The following PCDHGA2 variants were observed in gnomAD, a reference collection of about 807,000 sequenced individuals.
PCDHGA2 encodes the protein protocadherin gamma subfamily A, 2.
PCDHGA2 carries 40 observed loss-of-function variants against 59.2 expected under a neutral mutation model. The ratio of observed to expected loss-of-function variants is 0.68; its 90% CI spans 0.52 to 0.88. The LOEUF (loss-of-function observed/expected upper bound fraction) is 0.88, where lower values mean the gene tolerates loss of function less well. PCDHGA2 is among the 40% of genes least tolerant of loss of function. PCDHGA2 has a pLI of 0.00. For missense variants in PCDHGA2, 1,226 were observed against 1,204.0 expected (o/e 1.02, Z -0.27); for synonymous variants, 560 against 526.0 (o/e 1.06, Z -0.89).
chr5:141,382,401 A>C (rs1778173427), intron 1 of PCDHGA2, among the ~76,000 whole-genome samples: 1 of 152,232 alleles, frequency 6.6e-6, no homozygotes, highest in Non-Finnish European at 1.5e-5. Context: ...TCCCATGTGC[A>C]ATAACGTGTG....
chr5:141,346,072 C>T (rs780449103), intron 1 of PCDHGA2: 2 of 1,613,640 alleles, frequency 1.2e-6, no homozygotes, highest in Non-Finnish European at 1.7e-6. Flanking sequence ...AGCCTCGAGC[C>T]CTCCGCCAAA....
intron 1 of PCDHGA2, chr5:141,352,456 G>T: frequency 1.9e-6 from 3 of 1,614,010 alleles, no homozygotes; most frequent in Non-Finnish European, 2.5e-6. Context: ...CCAAGTCTGG[G>T]CCCGGGGTTC....
intron 1 of PCDHGA2, chr5:141,427,617 G>C (rs1295636754): frequency 1.4e-6 from 1 of 694,694 alleles, no homozygotes. Context: ...TGAAGTCAAC[G>C]ACAATGCTCC....
In PCDHGA2 at chr5:141,389,513, C is replaced by A. The variant is rs749432491; in HGVS notation, c.2424+48118C>A. 2.5e-6 allele frequency: 4 copies of A among 1,613,038 alleles called. No homozygotes were observed. The Admixed American group carries it at 5.0e-5, about 20-fold the overall frequency. On this transcript the variant is annotated intron_variant, in intron 1 of 3. Coordinates refer to ENST00000394576, the MANE Select transcript of PCDHGA2 (RefSeq NM_018915.4). ...AGGGCTCGCCAGCGCTCAGCGCGAACGTGAGCCTGCGCGTGTTAGTGGACG... is the reference window on the plus strand; with the variant it reads ...AGGGCTCGCCAGCGCTCAGCGCGAAAGTGAGCCTGCGCGTGTTAGTGGACG...
chr5:141,366,069 G>A (rs544928184), intron 1 of PCDHGA2: 10 of 1,614,216 alleles, frequency 6.2e-6, no homozygotes, highest in Non-Finnish European at 8.5e-6. Context: ...CTGGCGCCTC[G>A]CTCCGCAGAA....
At chr5:141,344,060 T>C (rs1314111216) in intron 1 of PCDHGA2, 2 of 1,563,350 alleles carry the variant, frequency 1.3e-6, no homozygotes, top group African/African-American at 1.4e-5. Flanking sequence ...GTTTCCGAAA[T>C]GGCAGAGGAC....
intron 1 of PCDHGA2, chr5:141,427,676 T>G: frequency 1.2e-6 from 1 of 813,766 alleles, no homozygotes; most frequent in Non-Finnish European, 2.1e-6. Flanking sequence ...AAAACAACCT[T>G]CCCGGAGCCT....
intron 1 of PCDHGA2, among the ~76,000 whole-genome samples, chr5:141,492,221 G>C (rs62379206): frequency 0.18 from 27,189 of 152,134 alleles, 2,633 homozygotes; most frequent in Admixed American, 0.28. Context: ...GGGCTCATGC[G>C]TGTCCTCCCT....
intron 1 of PCDHGA2, chr5:141,418,622 G>A: frequency 2.5e-6 from 4 of 1,614,026 alleles, no homozygotes; most frequent in Non-Finnish European, 3.4e-6. Context: ...TCGGGAAGAC[G>A]TGCCTCCAGG....
chr5:141,509,435 T>C (rs547082417), intron 3 of PCDHGA2, among the ~76,000 whole-genome samples: 1 of 152,214 alleles, frequency 6.6e-6, no homozygotes, highest in South Asian at 2.1e-4. Context: ...AAACTCTTGT[T>C]TCCTCCTCTC....
rs1340974686 is a variant in PCDHGA2, at chr5:141,477,604, C to T, written c.2425-17203C>T. The T allele has an allele frequency of 6.2e-7, 1 of 1,614,084 alleles. No individual in the cohort carries two copies. Among genetic ancestry groups the T allele is most frequent in the Non-Finnish European group, 8.5e-7 (1 of 1,180,054 alleles). ...AGAATGCTCGGCTTTCTTTCTTTCT[C>T]TTGGAGCAAGGAGCTGAAACCGGGC... On this transcript the variant is annotated intron_variant, in intron 1 of 3. Coordinates refer to ENST00000394576, the MANE Select transcript of PCDHGA2 (RefSeq NM_018915.4). The surrounding 1 kb of genome is among the most constrained non-coding windows in gnomAD (Gnocchi z 4.9).
chr5:141,448,232 T>A (rs917554207), intron 1 of PCDHGA2, among the ~76,000 whole-genome samples: 1 of 152,094 alleles, frequency 6.6e-6, no homozygotes, highest in Admixed American at 6.6e-5. Context: ...ATGTGTGGGG[T>A]TTTCTTTGCA....
At chr5:141,366,162 C>T (rs1037452604) in intron 1 of PCDHGA2, 2 of 1,613,992 alleles carry the variant, frequency 1.2e-6, no homozygotes, top group African/African-American at 2.7e-5. Flanking sequence ...CTGCTTAAGG[C>T]CAGCGAGCCA....
intron 1 of PCDHGA2, chr5:141,415,428 G>C (rs948747218): frequency 1.2e-6 from 2 of 1,614,088 alleles, no homozygotes; most frequent in Non-Finnish European, 1.7e-6. Context: ...ACGGGGTTCG[G>C]GCTTTCCTGC....
At position 141,340,978 on chromosome 5, in the gene PCDHGA2, C is replaced by A; in HGVS notation, c.2007C>A (p.Pro669=). Residue 669 remains proline (P), a synonymous_variant, in exon 1 of 4, where the codon CCC becomes CCA. Transcript: ENST00000394576. The stretch of plus-strand genomic sequence containing the variant: ...CCGTGGCCGTGGCCGACAGGATCCC[C>A]GACATCCTGGCCGACCTGGGCAGCC... ...TLTVAVADRI[P]DILADLGSLE... 6.2e-7 allele frequency: 1 copy of A among 1,613,966 alleles called. No homozygotes were observed. The highest frequency in any genetic ancestry group is 8.5e-7 in the Non-Finnish European group (1 of 1,179,854).
intron 1 of PCDHGA2, among the ~76,000 whole-genome samples, chr5:141,348,020 CAAT>C (rs1036826017): frequency 1.8e-4 from 28 of 152,160 alleles, no homozygotes; most frequent in African/African-American, 6.0e-4. Context: ...GATTTCCAGA[CAAT>C]CTCTTCCAAC....
At chr5:141,350,155 G>A (rs950480253) in intron 1 of PCDHGA2, 1 of 998,930 alleles carries the variant, frequency 1.0e-6, no homozygotes, top group East Asian at 2.8e-5. Flanking sequence ...TCACCCTCGA[G>A]CGCCTAACTA....
intron 1 of PCDHGA2, chr5:141,399,027 A>G (rs1427563902): frequency 6.2e-7 from 1 of 1,613,788 alleles, no homozygotes; most frequent in Non-Finnish European, 8.5e-7. Context: ...TTACCACTCA[A>G]AAGAAACTGG....
rs768311217 is a variant in PCDHGA2 at position 141,382,969 on chromosome 5, T to C, written c.2424+41574T>C. On this transcript the variant is annotated intron_variant, in intron 1 of 3. Coordinates refer to ENST00000394576, the MANE Select transcript of PCDHGA2 (RefSeq NM_018915.4). Reference sequence around the variant, plus strand: ...GCTCTCCATCCTCCTGGGGACCCCCTGGGAAGCCTGGGCAGGACGTATTCT... The same window carrying C: ...GCTCTCCATCCTCCTGGGGACCCCCCGGGAAGCCTGGGCAGGACGTATTCT... The C allele has an allele frequency of 1.2e-5, 19 of 1,609,300 alleles. No homozygotes were observed. Among genetic ancestry groups the C allele is most frequent in the Non-Finnish European group, 1.6e-5 (19 of 1,176,708 alleles).
Sources: gnomAD v4.1 joint callset for allele counts (sites outside exome capture counted in the v4.1 genomes callset) on GRCh38, gnomAD v4.1.1 for gene constraint, Gnocchi (gnomAD v3.1) non-coding constraint, MANE v1.5 for transcripts, NCBI Gene and HGNC (gene_info 2026-07-23, HGNC 2026-07-21) for gene names.